Variants in ZNF492 observed in about 807,000 individuals in gnomAD.
ZNF492 encodes the protein zinc finger protein 115 (Y20).
In ZNF492, 3 loss-of-function variants were observed where a neutral mutation model predicts 6.4. The observed-to-expected ratio is 0.47, with a 90% CI of 0.21 to 1.22. The LOEUF is 1.22. Ranked by LOEUF, ZNF492 falls within the 50% of genes most tolerant of loss-of-function variation. The probability of loss-of-function intolerance (pLI) is 0.22; values close to 1 mark genes in which losing one functional copy is unlikely to be tolerated. For missense variants in ZNF492, 356 were observed against 612.5 expected (o/e 0.58, Z 4.42); for synonymous variants, 112 against 205.3 (o/e 0.55, Z 3.89).
chr19:22,664,968 C>T lies in ZNF492; in HGVS notation c.1299C>T (p.Ser433=), dbSNP rs201746702. The T allele has an allele frequency of 2.6e-4, 421 of 1,607,090 alleles. 2 individuals carry two copies. The highest frequency in any genetic ancestry group is 2.3e-4 in the Non-Finnish European group (274 of 1,177,080). ...CEECGKAFNQ[S]STLSKHKVIH... is the part of the protein sequence containing the mutation. ...AATGTGGCAAAGCTTTTAACCAGTC[C>T]TCAACTCTTTCTAAACATAAGGTAA... is the stretch of plus-strand genomic sequence containing the variant. Residue 433 remains serine (S), a synonymous_variant, in exon 4 of 4, where the codon TCC becomes TCT. Transcript: ENST00000456783.
At chr19:22,645,459 A>T (rs1055630188) in intron 1 of ZNF492, among the ~76,000 whole-genome samples, 1 of 151,962 alleles carries the variant, frequency 6.6e-6, no homozygotes, top group Admixed American at 6.6e-5. Context: ...TTTTTCTCCT[A>T]TTCTGTAGGT....
chr19:22,649,092 T>C (rs962850026), intron 1 of ZNF492, among the ~76,000 whole-genome samples: 4 of 152,190 alleles, frequency 2.6e-5, no homozygotes, highest in African/African-American at 7.2e-5. Flanking sequence ...TATTTAGTGC[T>C]TTCTTCAGGA....
intron 1 of ZNF492, among the ~76,000 whole-genome samples, chr19:22,652,296 C>T (rs568069013): frequency 8.2e-6 from 1 of 122,102 alleles, no homozygotes; most frequent in East Asian, 2.3e-4. Context: ...GGCGCAATCT[C>T]GGCTCACTGC....
intron 3 of ZNF492, among the ~76,000 whole-genome samples, chr19:22,656,369 G>A (rs1971996901): frequency 6.6e-6 from 1 of 151,322 alleles, no homozygotes; most frequent in South Asian, 2.1e-4. Flanking sequence ...CAGACGCTAG[G>A]GCAGATTTCT....
At position 22,657,144 on chromosome 19, in the gene ZNF492, CATGTT is replaced by C. The variant is rs542100889; in HGVS notation, c.130+3134_130+3138del. ...ATTTAGGACAATATACTAAAATTTA[CATGTT>C]ATGTCTGAAGTGAATTAGGTAATTA... On this transcript the variant is annotated intron_variant, in intron 3 of 3. Transcript: ENST00000456783. Among the ~76,000 whole-genome samples, 637 of 152,126 alleles carry C rather than the reference CATGTT, an allele frequency of 4.2e-3. 7 individuals are homozygous for C. Among genetic ancestry groups the C allele is most frequent in the African/African-American group, 0.014 (578 of 41,452 alleles).
At chr19:22,645,760 C>A (rs1162266844) in intron 1 of ZNF492, among the ~76,000 whole-genome samples, 1 of 152,116 alleles carries the variant, frequency 6.6e-6, no homozygotes, top group East Asian at 1.9e-4. Flanking sequence ...TTTCTCAGGA[C>A]CATTTATTGA....
intron 1 of ZNF492, among the ~76,000 whole-genome samples, chr19:22,638,722 A>T (rs973445192): frequency 6.6e-6 from 1 of 152,066 alleles, no homozygotes; most frequent in Non-Finnish European, 1.5e-5. Context: ...ATATAAATTT[A>T]AAAATTTTTT....
At chr19:22,634,791 G>C (rs959442151) in intron 1 of ZNF492, among the ~76,000 whole-genome samples, 7 of 152,302 alleles carry the variant, frequency 4.6e-5, no homozygotes, top group Admixed American at 2.6e-4. Flanking sequence ...GGTCAGGGGA[G>C]AATCCTGACT....
intron 1 of ZNF492, among the ~76,000 whole-genome samples, chr19:22,642,015 G>A (rs1971830252): frequency 1.3e-5 from 2 of 151,804 alleles, no homozygotes; most frequent in Admixed American, 6.6e-5. Flanking sequence ...GGATGGTCTC[G>A]ATCTCCTGAC....
At chr19:22,640,605 A>G (rs1971816801) in intron 1 of ZNF492, among the ~76,000 whole-genome samples, 1 of 152,194 alleles carries the variant, frequency 6.6e-6, no homozygotes, top group Non-Finnish European at 1.5e-5. Flanking sequence ...ATATTGGTCT[A>G]AAGTTTTCTT....
chr19:22,662,482 A>T lies in ZNF492; in HGVS notation c.131-1318A>T, dbSNP rs532026661. Among the ~76,000 whole-genome samples, 3 of 152,326 alleles carry T rather than the reference A, an allele frequency of 2.0e-5. No homozygotes were observed. The South Asian group carries it at 6.2e-4, about 32-fold the overall frequency. On this transcript the variant is annotated intron_variant, in intron 3 of 3. Transcript: ENST00000456783. ...GATGGCTGGCTCAAATGGTATTTCT[A>T]GTTCTAGATCCTTGAGGAATCATAA...
intron 3 of ZNF492, among the ~76,000 whole-genome samples, chr19:22,660,263 T>C (rs1599402411): frequency 1.3e-5 from 2 of 152,196 alleles, no homozygotes; most frequent in East Asian, 3.8e-4. Flanking sequence ...TATATATACA[T>C]TTAAATAATT....
At chr19:22,643,011 C>G (rs1176769314) in intron 1 of ZNF492, among the ~76,000 whole-genome samples, 1 of 152,156 alleles carries the variant, frequency 6.6e-6, no homozygotes, top group Non-Finnish European at 1.5e-5. Flanking sequence ...CTCCTGTAAT[C>G]CCAGTGCTTT....
At chr19:22,653,097 G>A (rs1971958663) in intron 1 of ZNF492, among the ~76,000 whole-genome samples, 1 of 150,796 alleles carries the variant, frequency 6.6e-6, no homozygotes, top group Middle Eastern at 3.4e-3. Context: ...TACTTACCTC[G>A]ATGTTGTGGA....
intron 1 of ZNF492, among the ~76,000 whole-genome samples, chr19:22,639,711 CAAAAA>C (rs34864212): frequency 4.4e-5 from 4 of 90,590 alleles, no homozygotes; most frequent in Admixed American, 1.2e-4. Context: ...AACTTGGTCT[CAAAAA>C]AAAAAAAAAA....
At chr19:22,653,001 C>T (rs900613775) in intron 1 of ZNF492, among the ~76,000 whole-genome samples, 1 of 151,756 alleles carries the variant, frequency 6.6e-6, no homozygotes, top group Non-Finnish European at 1.5e-5. Context: ...ACAACTTATT[C>T]TGTATGATGT....
chr19:22,648,524 C>T (rs1329784172), intron 1 of ZNF492, among the ~76,000 whole-genome samples: 1 of 152,146 alleles, frequency 6.6e-6, no homozygotes, highest in East Asian at 1.9e-4. Flanking sequence ...TCTTGTTGAT[C>T]CGTCTAATAT....
chr19:22,660,405 A>G (rs886122242), intron 3 of ZNF492, among the ~76,000 whole-genome samples: 3 of 150,088 alleles, frequency 2.0e-5, no homozygotes, highest in African/African-American at 4.9e-5. Context: ...ACTTTTGTAT[A>G]TTTGTACAGA....
chr19:22,658,072 A>G (rs1223412670), intron 3 of ZNF492, among the ~76,000 whole-genome samples: 3 of 152,132 alleles, frequency 2.0e-5, no homozygotes, highest in Non-Finnish European at 4.4e-5. Flanking sequence ...TTATTCTTCT[A>G]AAAAACAATT....
Sources: gnomAD v4.1 joint callset for allele counts (sites outside exome capture counted in the v4.1 genomes callset) on GRCh38, gnomAD v4.1.1 for gene constraint, MANE v1.5 for transcripts, NCBI Gene and HGNC (gene_info 2026-07-23, HGNC 2026-07-21) for gene names.